The following AVPR1A variants were observed in gnomAD, a reference collection of about 807,000 sequenced individuals.
The protein encoded by AVPR1A is vasopressin V1a receptor.
A neutral mutation model predicts 31.5 loss-of-function variants in AVPR1A; 31 were observed. The ratio of observed to expected loss-of-function variants is 0.99; its 90% CI spans 0.74 to 1.33. The LOEUF (loss-of-function observed/expected upper bound fraction) is 1.33, where lower values mean the gene tolerates loss of function less well. AVPR1A is among the 40% of genes most tolerant of loss of function. The pLI is 0.00. For synonymous variants in AVPR1A, 243 were observed against 233.2 expected, an observed-to-expected ratio of 1.04 and a Z score of -0.38; for missense variants, 570 against 575.2, an observed-to-expected ratio of 0.99 and a Z score of 0.09.
rs899668332 is a variant in AVPR1A, at chr12:63,150,347, C to T, written c.490G>A (p.Ala164Thr). 2.5e-6 allele frequency: 4 copies of T among 1,613,868 alleles called. No individual in the cohort carries two copies. Among genetic ancestry groups the T allele is most frequent in the Middle Eastern group, 1.6e-4 (1 of 6,062 alleles). The part of the protein sequence containing the change: ...CHPLKTLQQP[A>T]RRSRLMIAAA... The stretch of plus-strand genomic sequence containing the variant: ...GCGATCATGAGGCGCGAGCGGCGCG[C>T]GGGCTGTTGCAGAGTCTTGAGCGGG... Residue 164 changes from alanine (A) to threonine (T), a missense_variant, in exon 1 of 2, where the codon GCG becomes ACG. Physicochemically the swap from Ala to Thr is moderately conservative, Grantham distance 58 (BLOSUM62 0). Transcript: ENST00000299178. The surrounding 1 kb of genome is among the most constrained non-coding windows in gnomAD (Gnocchi z 4.9).
At position 63,150,691 on chromosome 12, in the gene AVPR1A, T is replaced by A; in HGVS notation, c.146A>T (p.Glu49Val). Reference protein sequence around the residue: ...NGPPRDVRNEELAKLEIAVLA... With the variant: ...NGPPRDVRNEVLAKLEIAVLA... Reference sequence around the variant, plus strand: ...CACGGCGATCTCCAGTTTGGCCAGCTCCTCGTTGCGCACGTCCCTCGGTGG... The same window carrying A: ...CACGGCGATCTCCAGTTTGGCCAGCACCTCGTTGCGCACGTCCCTCGGTGG... The change falls in exon 1 of 2, where the codon GAG (glutamate) becomes GTG (valine). Residue 49 changes from glutamate (E) to valine (V), a missense_variant. Coordinates refer to ENST00000299178, the MANE Select transcript of AVPR1A (RefSeq NM_000706.5). This position sits in a 1 kb window ranked among gnomAD's most constrained non-coding sequence, Gnocchi z 4.9. The A allele has an allele frequency of 6.2e-7, 1 of 1,607,284 alleles. No homozygotes were observed. Among genetic ancestry groups the A allele is most frequent in the African/African-American group, 1.3e-5 (1 of 74,942 alleles).
In AVPR1A at chr12:63,143,688, G is replaced by C. The variant is rs1026976730; in HGVS notation, c.*3671C>G. The C allele has an allele frequency of 3.9e-5, 6 of 152,200 alleles. No homozygotes were observed. Among genetic ancestry groups the C allele is most frequent in the African/African-American group, 9.7e-5 (4 of 41,442 alleles). 9.4% of individuals were successfully genotyped at this position (152,200 alleles called of 1,614,324 possible). A position where few individuals can be genotyped will look rare whatever the true frequency, so the allele number is the denominator to read the frequency against. On this transcript the variant is annotated 3_prime_UTR_variant, in exon 2 of 2. Transcript: ENST00000299178. ...GTAGTACCAAAAGGGCTGGATGGAG[G>C]GGGTGGGCAGGGATACAGTGGCTGC...
At position 63,146,775 on chromosome 12, in the gene AVPR1A, A is replaced by G. The variant is rs1868364039; in HGVS notation, c.*584T>C. On this transcript the variant is annotated 3_prime_UTR_variant, in exon 2 of 2. Coordinates refer to ENST00000299178, the MANE Select transcript of AVPR1A (RefSeq NM_000706.5). ...ACCATTTTGAAATGCAAGGTGATTG[A>G]TAGCTTCTAATAGAACTCTAAACTG... 6.6e-6 allele frequency: 1 copy of G among 152,258 alleles called. No homozygotes were observed. Among genetic ancestry groups the G allele is most frequent in the South Asian group, 2.1e-4 (1 of 4,832 alleles). The allele number at this position is 152,258 out of a possible 1,614,324, so 9.4% of individuals were successfully genotyped here.
At position 63,150,210 on chromosome 12, in the gene AVPR1A, CTGGA is replaced by C; in HGVS notation, c.623_626del (p.Ile208SerfsTer9). Reference sequence around the variant, plus strand: ...TCACGTAGGCACGAGAACCCCAGGGCTGGATGAAGGTGGCCCAGCAGTCGCGGGC... The same window carrying C: ...TCACGTAGGCACGAGAACCCCAGGGCTGAAGGTGGCCCAGCAGTCGCGGGC... On this transcript the variant is annotated frameshift_variant, in exon 1 of 2. Transcript: ENST00000299178. LOFTEE classifies it high-confidence loss of function. The surrounding 1 kb of genome is among the most constrained non-coding windows in gnomAD (Gnocchi z 4.9). 6.2e-7 allele frequency: 1 copy of C among 1,613,950 alleles called. No homozygotes were observed. The highest frequency in any genetic ancestry group is 8.5e-7 in the Non-Finnish European group (1 of 1,180,040).
Position 63,149,867 on chromosome 12 carries a change from C to A in AVPR1A, c.970G>T (p.Glu324Ter), listed in dbSNP as rs1389297909. Residue 324 changes from glutamate to a stop codon, truncating the protein, a stop_gained and splice_region_variant, in exon 1 of 2, where the codon GAA becomes TAA. Transcript: ENST00000299178. LOFTEE classifies it high-confidence loss of function. Reference protein sequence around the residue: ...SVWDPMSVWTESENPTITITA... With the variant: ...SVWDPMSVWT ...TTTCCTCTATTTTCCCGGCACGTAC[C>A]GGTCCAGACGGACATGGGATCCCAG... 6.2e-7 allele frequency: 1 copy of A among 1,611,940 alleles called. No individual in the cohort carries two copies. Among genetic ancestry groups the A allele is most frequent in the Non-Finnish European group, 8.5e-7 (1 of 1,179,052 alleles).
intron 1 of AVPR1A, among the ~76,000 whole-genome samples, chr12:63,148,121 T>G (rs963098012): frequency 6.6e-6 from 1 of 152,168 alleles, no homozygotes; most frequent in Admixed American, 6.5e-5. Context: ...AATATTCTTA[T>G]AATATGAAAA....
chr12:63,149,868 G>C lies in AVPR1A; in HGVS notation c.969C>G (p.Thr323=), dbSNP rs377304458. Residue 323 remains threonine (T), a splice_region_variant and synonymous_variant, in exon 1 of 2, where the codon ACC becomes ACG. Coordinates refer to ENST00000299178, the MANE Select transcript of AVPR1A (RefSeq NM_000706.5). Reference sequence around the variant, plus strand: ...TTCCTCTATTTTCCCGGCACGTACCGGTCCAGACGGACATGGGATCCCAGA... The same window carrying C: ...TTCCTCTATTTTCCCGGCACGTACCCGTCCAGACGGACATGGGATCCCAGA... ...WSVWDPMSVW[T]ESENPTITIT... is the part of the protein sequence containing the mutation. 69 of 1,609,126 alleles carry C rather than the reference G, an allele frequency of 4.3e-5. No homozygotes were observed. The African/African-American group carries it at 6.8e-4, about 16-fold the overall frequency.
rs1379943291 is a variant in AVPR1A, at chr12:63,150,588, C to T, written c.249G>A (p.Thr83=). ...LLALHRTPRK[T]SRMHLFIRHL... ...GTCGGATGAAGAGGTGCATGCGGGA[C>T]GTCTTGCGCGGCGTCCGGTGCAGAG... Residue 83 remains threonine, a synonymous_variant, in exon 1 of 2, where the codon ACG becomes ACA. Transcript: ENST00000299178. This position sits in a 1 kb window ranked among gnomAD's most constrained non-coding sequence, Gnocchi z 4.9. 7 of 1,611,146 alleles carry T rather than the reference C, an allele frequency of 4.3e-6. No individual in the cohort carries two copies. Among genetic ancestry groups the T allele is most frequent in the Non-Finnish European group, 3.4e-6 (4 of 1,179,860 alleles).
rs1272857049 is a variant in AVPR1A, at chr12:63,147,085, GTTATGA to G, written c.*268_*273del. On this transcript the variant is annotated 3_prime_UTR_variant, in exon 2 of 2. Transcript: ENST00000299178. ...AACAACAAAATATAAAGCTAGGGTG[GTTATGA>G]TTTTTCCTTTAAAAATATAACTTCT... 5 of 376,488 alleles carry G rather than the reference GTTATGA, an allele frequency of 1.3e-5. No homozygotes were observed. Among genetic ancestry groups the G allele is most frequent in the Non-Finnish European group, 1.9e-5 (4 of 209,286 alleles). 23.3% of individuals were successfully genotyped at this position (376,488 alleles called of 1,614,324 possible). A position where few individuals can be genotyped will look rare whatever the true frequency, so the allele number is the denominator to read the frequency against.
chr12:63,150,592 T>C lies in AVPR1A; in HGVS notation c.245A>G (p.Lys82Arg), dbSNP rs1361288220. The C allele has an allele frequency of 6.2e-7, 1 of 1,610,940 alleles. No homozygotes were observed. The highest frequency in any genetic ancestry group is 1.1e-5 in the South Asian group (1 of 91,056). The change falls in exon 1 of 2, where the codon AAG becomes AGG. Residue 82 changes from lysine (K) to arginine (R), a missense_variant. Physicochemically the swap from Lys to Arg is conservative, Grantham distance 26 (BLOSUM62 2). Coordinates refer to ENST00000299178, the MANE Select transcript of AVPR1A (RefSeq NM_000706.5). This position sits in a 1 kb window ranked among gnomAD's most constrained non-coding sequence, Gnocchi z 4.9. ...VLLALHRTPR[K>R]TSRMHLFIRH... ...GATGAAGAGGTGCATGCGGGACGTC[T>C]TGCGCGGCGTCCGGTGCAGAGCCAG... is the stretch of plus-strand genomic sequence containing the variant.
chr12:63,147,309 T>C lies in AVPR1A; in HGVS notation c.*50A>G, dbSNP rs1868372114. 16 of 1,584,622 alleles carry C rather than the reference T, an allele frequency of 1.0e-5. No homozygotes were observed. The highest frequency in any genetic ancestry group is 1.4e-5 in the Non-Finnish European group (16 of 1,158,178). Reference sequence around the variant, plus strand: ...CTTGTGATTTCTAGCTCAATTCAGCTAATGAGCCAAAAAGTCAATCACAAG... The same window carrying C: ...CTTGTGATTTCTAGCTCAATTCAGCCAATGAGCCAAAAAGTCAATCACAAG... On this transcript the variant is annotated 3_prime_UTR_variant, in exon 2 of 2. Coordinates refer to ENST00000299178, the MANE Select transcript of AVPR1A (RefSeq NM_000706.5).
intron 1 of AVPR1A, 121 bp from the exon 2 acceptor site, chr12:63,147,766 GT>G: frequency 8.8e-7 from 1 of 1,130,210 alleles, no homozygotes; most frequent in Non-Finnish European, 1.2e-6. Context: ...GAACTATTTT[GT>G]TTATCAATCA....
intron 1 of AVPR1A, among the ~76,000 whole-genome samples, chr12:63,149,015 C>CAAGTA: frequency 6.6e-6 from 1 of 151,916 alleles, no homozygotes; most frequent in East Asian, 1.9e-4. Context: ...ATTTTTTTTG[C>CAAGTA]AAGTCACTGT....
At position 63,150,964 on chromosome 12, in the gene AVPR1A, G is replaced by A. The variant is rs866173306; in HGVS notation, c.-128C>T. The A allele has an allele frequency of 4.6e-5, 63 of 1,365,072 alleles. No individual in the cohort carries two copies. The African/African-American group carries it at 7.3e-4, about 16-fold the overall frequency. 84.6% of individuals were successfully genotyped at this position (1,365,072 alleles called of 1,614,324 possible). On this transcript the variant is annotated 5_prime_UTR_variant, in exon 1 of 2. Coordinates refer to ENST00000299178, the MANE Select transcript of AVPR1A (RefSeq NM_000706.5). This position sits in a 1 kb window ranked among gnomAD's most constrained non-coding sequence, Gnocchi z 4.9. Reference sequence around the variant, plus strand: ...GTCTTTGGCGCGCTCGCAGCTTGCCGGGCTCTGCGATCCCTCCAGTGGGCG... The same window carrying A: ...GTCTTTGGCGCGCTCGCAGCTTGCCAGGCTCTGCGATCCCTCCAGTGGGCG...
In AVPR1A at chr12:63,150,677, CCA is replaced by C. The variant is rs1868461627; in HGVS notation, c.158_159del (p.Leu53ArgfsTer288). ...AAAGTCACCGCCAGCACGGCGATCT[CCA>C]GTTTGGCCAGCTCCTCGTTGCGCAC... Reference protein sequence around the residue: ...RDVRNEELAKLEIAVLAVTFA... With the variant: ...RDVRNEELAKXEIAVLAVTFA... On this transcript the variant is annotated frameshift_variant, in exon 1 of 2. Transcript: ENST00000299178. LOFTEE classifies it high-confidence loss of function. The surrounding 1 kb of genome is among the most constrained non-coding windows in gnomAD (Gnocchi z 4.9). The C allele has an allele frequency of 6.2e-7, 1 of 1,608,360 alleles. No individual in the cohort carries two copies. Among genetic ancestry groups the C allele is most frequent in the Non-Finnish European group, 8.5e-7 (1 of 1,179,864 alleles).
chr12:63,150,390 G>T lies in AVPR1A; in HGVS notation c.447C>A (p.Arg149=), dbSNP rs755081148. The T allele has an allele frequency of 6.2e-7, 1 of 1,613,882 alleles. No homozygotes were observed. ...AYMLVVMTAD[R]YIAVCHPLKT... ...TGAGCGGGTGGCACACCGCGATGTA[G>T]CGGTCGGCTGTCATGACTACCAGCA... The change falls in exon 1 of 2, where the codon CGC becomes CGA. Residue 149 remains arginine, a synonymous_variant. Coordinates refer to ENST00000299178, the MANE Select transcript of AVPR1A (RefSeq NM_000706.5). This position sits in a 1 kb window ranked among gnomAD's most constrained non-coding sequence, Gnocchi z 4.9.
rs1218247609 is a variant in AVPR1A at position 63,144,234 on chromosome 12, T to C, written c.*3125A>G. The C allele has an allele frequency of 6.6e-6, 1 of 152,332 alleles. No individual in the cohort carries two copies. The highest frequency in any genetic ancestry group is 2.4e-5 in the African/African-American group (1 of 41,570). The allele number at this position is 152,332 out of a possible 1,614,324, so 9.4% of individuals were successfully genotyped here. A position where few individuals can be genotyped will look rare whatever the true frequency, so the allele number is the denominator to read the frequency against. On this transcript the variant is annotated 3_prime_UTR_variant, in exon 2 of 2. Transcript: ENST00000299178. ...AGAATTTCACTGATTTCCTTCACAA[T>C]TGTGTTCCAAATGAAATTTCAAAAT... is the stretch of plus-strand genomic sequence containing the variant.
rs1868364532 is a variant in AVPR1A at position 63,146,805 on chromosome 12, C to T, written c.*554G>A. Reference sequence around the variant, plus strand: ...TTCTAATAGAACTCTAAACTGGCCACAATGAGCAGGAGCTCATTACACCCC... The same window carrying T: ...TTCTAATAGAACTCTAAACTGGCCATAATGAGCAGGAGCTCATTACACCCC... On this transcript the variant is annotated 3_prime_UTR_variant, in exon 2 of 2. Transcript: ENST00000299178. 1 of 152,706 alleles carries T rather than the reference C, an allele frequency of 6.5e-6. No individual in the cohort carries two copies. The highest frequency in any genetic ancestry group is 6.5e-5 in the Admixed American group (1 of 15,342). The allele number at this position is 152,706 out of a possible 1,614,324, so 9.5% of individuals were successfully genotyped here.
rs1239455732 is a variant in AVPR1A, at chr12:63,147,570, A to T, written c.1046T>A (p.Met349Lys). The T allele has an allele frequency of 5.6e-6, 9 of 1,614,072 alleles. No individual in the cohort carries two copies. The African/African-American group carries it at 9.3e-5, about 17-fold the overall frequency. ...TTGAAGGAGATGGCCACTAAAAAAC[A>T]TGTATATCCAGGGATTACAGCAGCT... ...LNSCCNPWIY[M>K]FFSGHLLQDC... Residue 349 changes from methionine (M) to lysine (K), a missense_variant, in exon 2 of 2, where the codon ATG (methionine) becomes AAG (lysine). By Grantham distance (95) the Met-to-Lys change is moderately conservative. Transcript: ENST00000299178.
Sources: gnomAD v4.1 joint callset for allele counts (sites outside exome capture counted in the v4.1 genomes callset) on GRCh38, gnomAD v4.1.1 for gene constraint, Gnocchi (gnomAD v3.1) non-coding constraint, MANE v1.5 for transcripts, NCBI Gene and HGNC (gene_info 2026-07-23, HGNC 2026-07-21) for gene names.